The following UPRT variants were observed in gnomAD, a reference collection of about 807,000 sequenced individuals.
The protein encoded by UPRT is uracil phosphoribosyltransferase homolog.
In UPRT, 5 loss-of-function variants were observed where a neutral mutation model predicts 22.6. That is an observed-to-expected ratio of 0.22 (90% CI 0.12 to 0.47). The LOEUF is 0.47. Among genes scored for constraint, UPRT ranks in the 20% least tolerant of loss-of-function variants. The probability of loss-of-function intolerance (pLI) is 0.99; values close to 1 mark genes in which losing one functional copy is unlikely to be tolerated. For missense variants in UPRT, 181 were observed against 239.9 expected (o/e 0.75, Z 1.62); for synonymous variants, 77 against 87.7 (o/e 0.88, Z 0.68).
intron 4 of UPRT, among the ~76,000 whole-genome samples, chrX:75,237,171 T>G (rs2082469242): frequency 8.9e-6 from 1 of 112,403 alleles, no homozygotes; most frequent in Admixed American, 9.4e-5. Context: ...AAGAAGACAT[T>G]TATGCAGCCA....
chrX:75,158,091 A>C (rs1422485511), intron 1 of UPRT, among the ~76,000 whole-genome samples: 1 of 112,327 alleles, frequency 8.9e-6, no homozygotes, highest in African/African-American at 3.2e-5. Flanking sequence ...TTTTGATCAA[A>C]AAGTGTGAAT....
chrX:75,182,509 T>C (rs763595604), intron 4 of UPRT, among the ~76,000 whole-genome samples: 150 of 111,360 alleles, frequency 1.3e-3, no homozygotes, highest in Non-Finnish European at 2.1e-3. Flanking sequence ...GTTTATAGGG[T>C]TTTTATTATT....
At chrX:75,213,806 C>T (rs756902955) in intron 4 of UPRT, among the ~76,000 whole-genome samples, 5 of 111,477 alleles carry the variant, frequency 4.5e-5, no homozygotes, top group South Asian at 7.6e-4. Context: ...ATGCACCTAA[C>T]GATAGCATCA....
chrX:75,159,003 C>A (rs2082191304), intron 1 of UPRT, among the ~76,000 whole-genome samples: 1 of 111,791 alleles, frequency 8.9e-6, no homozygotes, highest in Non-Finnish European at 1.9e-5. Flanking sequence ...TTGAACTATA[C>A]AGTAAGTTGT....
chrX:75,216,563 G>T (rs781536928), intron 4 of UPRT, among the ~76,000 whole-genome samples: 1 of 112,062 alleles, frequency 8.9e-6, no homozygotes, highest in Admixed American at 9.5e-5. Flanking sequence ...AGTATATTCT[G>T]TATTGCACAG....
chrX:75,186,233 G>A (rs759799099), intron 4 of UPRT, among the ~76,000 whole-genome samples: 5 of 111,175 alleles, frequency 4.5e-5, no homozygotes, highest in Non-Finnish European at 5.7e-5. Flanking sequence ...GTTTGTTCTC[G>A]TTGGTTTCAA....
intron 4 of UPRT, among the ~76,000 whole-genome samples, chrX:75,248,128 A>G (rs958850423): frequency 8.9e-6 from 1 of 111,852 alleles, no homozygotes; most frequent in South Asian, 3.7e-4. Flanking sequence ...ACAGCGCAGA[A>G]AAACTGGAAA....
At chrX:75,247,307 G>A (rs907733887) in intron 4 of UPRT, among the ~76,000 whole-genome samples, 13 of 111,371 alleles carry the variant, frequency 1.2e-4, no homozygotes, top group African/African-American at 3.9e-4. Context: ...AAGCGCAAGG[G>A]GTAAGGGAAT....
chrX:75,190,361 G>A lies in UPRT; in HGVS notation c.-447+22482G>A, dbSNP rs144657256. 7.5e-4 allele frequency among the ~76,000 whole-genome samples: 84 copies of A among 111,904 alleles called. No individual in the cohort carries two copies. The East Asian group carries it at 0.015, about 20-fold the overall frequency. On this transcript the variant is annotated intron_variant, in intron 4 of 13. Transcript: ENST00000652605. Reference sequence around the variant, plus strand: ...CCGAGAGATCTGCTGTTAGTCTGACGGGCTTTCGTTTGTGGGTAACCCGAC... The same window carrying A: ...CCGAGAGATCTGCTGTTAGTCTGACAGGCTTTCGTTTGTGGGTAACCCGAC...
intron 4 of UPRT, among the ~76,000 whole-genome samples, chrX:75,220,150 C>T (rs892615256): frequency 3.6e-5 from 4 of 111,441 alleles, no homozygotes; most frequent in South Asian, 7.6e-4. Context: ...ATCTCTTTAT[C>T]ATTATACAGT....
At chrX:75,198,890 A>G (rs1474575212) in intron 4 of UPRT, among the ~76,000 whole-genome samples, 1 of 111,520 alleles carries the variant, frequency 9.0e-6, no homozygotes, top group Non-Finnish European at 1.9e-5. Flanking sequence ...CGCAGTGACT[A>G]TGAGATTGTA....
intron 4 of UPRT, among the ~76,000 whole-genome samples, chrX:75,170,320 A>T (rs2082223588): frequency 9.0e-6 from 1 of 111,583 alleles, no homozygotes. Context: ...TACAGGTGTG[A>T]GCCACCACGC....
chrX:75,234,216 G>A lies in UPRT; in HGVS notation c.-446-56808G>A, dbSNP rs139684411. On this transcript the variant is annotated intron_variant, in intron 4 of 13. Transcript: ENST00000652605. ...GCCATTACTCAATGGTAAAGGGATC[G>A]ATTCAACAAGAAGAGCTAACTATCC... 5.4e-3 allele frequency among the ~76,000 whole-genome samples: 597 copies of A among 111,467 alleles called. 17 individuals carry two copies. The East Asian group carries it at 0.12, about 22-fold the overall frequency.
At chrX:75,302,923 T>A (rs2082749417) in intron 6 of UPRT, among the ~76,000 whole-genome samples, 1 of 110,511 alleles carries the variant, frequency 9.0e-6, no homozygotes, top group African/African-American at 3.3e-5. Context: ...TTTTTTTTAA[T>A]AGAGATGGGG....
intron 4 of UPRT, among the ~76,000 whole-genome samples, chrX:75,244,924 T>C (rs1416775032): frequency 9.1e-6 from 1 of 110,398 alleles, no homozygotes; most frequent in Non-Finnish European, 1.9e-5. Flanking sequence ...AATTGACAAA[T>C]GGGATCTAAT....
intron 4 of UPRT, among the ~76,000 whole-genome samples, chrX:75,173,959 C>G (rs915421500): frequency 1.8e-5 from 2 of 111,006 alleles, no homozygotes; most frequent in Non-Finnish European, 3.8e-5. Context: ...CATGCAGCCC[C>G]GGTTCCCGCT....
At chrX:75,208,944 G>T (rs1266094062) in intron 4 of UPRT, among the ~76,000 whole-genome samples, 1 of 111,870 alleles carries the variant, frequency 8.9e-6, no homozygotes, top group Admixed American at 9.5e-5. Context: ...CTGGGCTGCA[G>T]AGTAAAATAA....
Position 75,205,406 on chromosome X carries a change from A to G in UPRT, c.-447+37527A>G, listed in dbSNP as rs1419192568. Among the ~76,000 whole-genome samples the G allele has an allele frequency of 2.8e-5, 3 of 108,648 alleles. No individual in the cohort carries two copies. The East Asian group carries it at 8.6e-4, about 31-fold the overall frequency. 94.3% of individuals were successfully genotyped at this position (108,648 alleles called of 115,157 possible). On this transcript the variant is annotated intron_variant, in intron 4 of 13. Transcript: ENST00000652605. ...CTCAAAAAAAAAAAAAAAAAAAAAA[A>G]AAAAAAAGAGAAGATTTGAAATTAG...
At chrX:75,175,234 G>A (rs1245920198) in intron 4 of UPRT, among the ~76,000 whole-genome samples, 1 of 111,485 alleles carries the variant, frequency 9.0e-6, no homozygotes, top group Non-Finnish European at 1.9e-5. Flanking sequence ...TCCTCAAGTA[G>A]GGGACAACAA....
Sources: allele counts gnomAD v4.1 joint callset (sites outside exome capture counted in the v4.1 genomes callset), GRCh38; gene constraint gnomAD v4.1.1; transcripts MANE v1.5; gene names NCBI Gene and HGNC (gene_info 2026-07-23, HGNC 2026-07-21).